ADARB2: variants seen among roughly 807,000 people sequenced by gnomAD.
ADARB2 encodes adenosine deaminase RNA specific B2 (inactive).
In ADARB2, 25 loss-of-function variants were observed where a neutral mutation model predicts 62.2. That is an observed-to-expected ratio of 0.40 (90% CI 0.29 to 0.56). The LOEUF is 0.56. Among genes scored for constraint, ADARB2 ranks in the 20% least tolerant of loss-of-function variants. ADARB2 has a pLI of 0.43. For missense variants in ADARB2, 1,071 were observed against 1,077.4 expected (o/e 0.99, Z 0.08); for synonymous variants, 572 against 500.8 (o/e 1.14, Z -1.90).
intron 1 of ADARB2, among the ~76,000 whole-genome samples, chr10:1,583,138 C>T (rs888250496): frequency 6.6e-6 from 1 of 152,168 alleles, no homozygotes. Context: ...GGACTTCATG[C>T]CATAGATCAA....
intron 2 of ADARB2, among the ~76,000 whole-genome samples, chr10:1,371,142 C>T (rs920062671): frequency 6.6e-5 from 10 of 152,126 alleles, no homozygotes; most frequent in Admixed American, 4.6e-4. Flanking sequence ...GAAAGTGGTC[C>T]GTCTCCAGCC....
At position 1,465,271 on chromosome 10, in the gene ADARB2, G is replaced by A. The variant is rs552767560; in HGVS notation, c.101-86111C>T. Among the ~76,000 whole-genome samples, 4 of 152,280 alleles carry A rather than the reference G, an allele frequency of 2.6e-5. No individual in the cohort carries two copies. The East Asian group carries it at 5.8e-4, about 22-fold the overall frequency. ...GGGTGCGAGAGGGTTCCAGGTGGTG[G>A]ACCTATTTTACATTTGATGGTGCTT... On this transcript the variant is annotated intron_variant, in intron 1 of 9. Coordinates refer to ENST00000381312, the MANE Select transcript of ADARB2 (RefSeq NM_018702.4).
chr10:1,706,596 A>G (rs1465207795), intron 1 of ADARB2, among the ~76,000 whole-genome samples: 2 of 152,174 alleles, frequency 1.3e-5, no homozygotes, highest in African/African-American at 4.8e-5. Context: ...TTTTATTTCA[A>G]AGGAAAACAG....
At chr10:1,348,610 C>A (rs1457243320) in intron 3 of ADARB2, among the ~76,000 whole-genome samples, 1 of 152,218 alleles carries the variant, frequency 6.6e-6, no homozygotes, top group Non-Finnish European at 1.5e-5. Flanking sequence ...CTCCTCCCAC[C>A]CCCTCTGCTC....
intron 1 of ADARB2, among the ~76,000 whole-genome samples, chr10:1,450,710 C>T (rs1303706664): frequency 2.0e-5 from 3 of 152,068 alleles, no homozygotes; most frequent in African/African-American, 7.2e-5. Context: ...GGGTGAGTGG[C>T]GAGGAAGGGA....
intron 3 of ADARB2, among the ~76,000 whole-genome samples, chr10:1,311,455 A>G (rs1831689998): frequency 6.6e-6 from 1 of 152,084 alleles, no homozygotes. Flanking sequence ...ATAAATGCTT[A>G]GTGGGTTCTT....
intron 1 of ADARB2, chr10:1,675,948 G>A (rs894601599): frequency 1.1e-6 from 1 of 950,486 alleles, no homozygotes; most frequent in Non-Finnish European, 1.3e-6. Flanking sequence ...GCTCAGACTT[G>A]GAGCCCAGTT....
At chr10:1,570,958 G>A (rs1832926220) in intron 1 of ADARB2, among the ~76,000 whole-genome samples, 1 of 152,156 alleles carries the variant, frequency 6.6e-6, no homozygotes, top group Admixed American at 6.5e-5. Context: ...GGAACTCAGG[G>A]CAAACACCTG....
rs551088797 is a variant in ADARB2 at position 1,183,377 on chromosome 10, C to T, written c.2044-8G>A. On this transcript the variant is annotated splice_region_variant and splice_polypyrimidine_tract_variant and intron_variant, in intron 9 of 9. Coordinates refer to ENST00000381312, the MANE Select transcript of ADARB2 (RefSeq NM_018702.4). ...GGGTGTCCGTGTGCTCAGCTGCGGA[C>T]AAGAAGGAGAAAGAGCCAATCAGAC... 25 of 1,605,630 alleles carry T rather than the reference C, an allele frequency of 1.6e-5. No individual in the cohort carries two copies. The South Asian group carries it at 2.8e-4, about 18-fold the overall frequency.
At chr10:1,307,935 T>TGGGGGGA (rs1301173076) in intron 3 of ADARB2, among the ~76,000 whole-genome samples, 1 of 79,850 alleles carries the variant, frequency 1.3e-5, no homozygotes. Flanking sequence ...TGTCGTGGGG[T>TGGGGGGA]GGGGGGAGGG....
intron 1 of ADARB2, among the ~76,000 whole-genome samples, chr10:1,613,348 T>G (rs1833594245): frequency 6.6e-6 from 1 of 152,224 alleles, no homozygotes; most frequent in African/African-American, 2.4e-5. Context: ...AATATCATGA[T>G]TCTTCAATGG....
intron 3 of ADARB2, among the ~76,000 whole-genome samples, chr10:1,294,573 G>C (rs77957350): frequency 6.6e-6 from 1 of 152,056 alleles, no homozygotes; most frequent in Non-Finnish European, 1.5e-5. Context: ...CAGTGATGTC[G>C]ACCCTAGGAC....
intron 1 of ADARB2, among the ~76,000 whole-genome samples, chr10:1,692,918 C>A (rs1024759032): frequency 6.6e-6 from 1 of 152,190 alleles, no homozygotes; most frequent in East Asian, 1.9e-4. Context: ...CCACAAACTT[C>A]TGGGCTCACA....
chr10:1,642,011 TAA>T (rs11353381), intron 1 of ADARB2, among the ~76,000 whole-genome samples: 2 of 151,130 alleles, frequency 1.3e-5, no homozygotes, highest in Non-Finnish European at 3.0e-5. Flanking sequence ...AGACTCCATT[TAA>T]AAAAAAAAGT....
chr10:1,640,707 A>C (rs890523531), intron 1 of ADARB2, among the ~76,000 whole-genome samples: 1 of 152,206 alleles, frequency 6.6e-6, no homozygotes, highest in Non-Finnish European at 1.5e-5. Context: ...TACACTATAA[A>C]TATTTTTATG....
At position 1,203,965 on chromosome 10, in the gene ADARB2, A is replaced by C. The variant is rs550225299; in HGVS notation, c.1683-3818T>G. Among the ~76,000 whole-genome samples, 7 of 152,280 alleles carry C rather than the reference A, an allele frequency of 4.6e-5. No individual in the cohort carries two copies. In the East Asian group the frequency reaches 1.4e-3, roughly 29 times the overall value. ...GCAGTGCAAGTTCTAAGGAGGCTCC[A>C]GGTGGCTCTGAGGCTGCTCAGTTCG... On this transcript the variant is annotated intron_variant, in intron 7 of 9. Coordinates refer to ENST00000381312, the MANE Select transcript of ADARB2 (RefSeq NM_018702.4).
intron 1 of ADARB2, among the ~76,000 whole-genome samples, chr10:1,588,864 G>T (rs1833212408): frequency 6.6e-6 from 1 of 152,196 alleles, no homozygotes; most frequent in African/African-American, 2.4e-5. Context: ...CCTGACAGAG[G>T]CAGCATGGCC....
At chr10:1,535,552 G>A (rs1588291804) in intron 1 of ADARB2, 1 of 167,140 alleles carries the variant, frequency 6.0e-6, no homozygotes, top group East Asian at 1.9e-4. Flanking sequence ...ACAAATTATG[G>A]TGATTTATAA....
chr10:1,503,931 G>A (rs1488429495), intron 1 of ADARB2, among the ~76,000 whole-genome samples: 3 of 152,174 alleles, frequency 2.0e-5, no homozygotes, highest in African/African-American at 7.2e-5. Flanking sequence ...ACAGCCTGCA[G>A]AACCGTGAGC....
Sources: allele counts gnomAD v4.1 joint callset (sites outside exome capture counted in the v4.1 genomes callset), GRCh38; gene constraint gnomAD v4.1.1; transcripts MANE v1.5; gene names NCBI Gene and HGNC (gene_info 2026-07-23, HGNC 2026-07-21).